Variants in PLXDC2 observed in about 807,000 individuals in gnomAD.
PLXDC2 encodes the protein plexin domain-containing protein 2.
In PLXDC2, 40 loss-of-function variants were observed where a neutral mutation model predicts 68.9. The ratio of observed to expected loss-of-function variants is 0.58; its 90% CI spans 0.45 to 0.76. PLXDC2 has a LOEUF of 0.76. Ranked by LOEUF, PLXDC2 falls within the 30% of genes least tolerant of loss-of-function variation. PLXDC2 has a pLI of 0.00. For missense variants in PLXDC2, 644 were observed against 661.9 expected, an observed-to-expected ratio of 0.97 and a Z score of 0.30; for synonymous variants, 243 against 234.2, an observed-to-expected ratio of 1.04 and a Z score of -0.34.
intron 1 of PLXDC2, among the ~76,000 whole-genome samples, chr10:19,844,658 T>C (rs1027181273): frequency 6.6e-6 from 1 of 152,016 alleles, no homozygotes; most frequent in African/African-American, 2.4e-5. Flanking sequence ...TGCAGTGGTG[T>C]GACCATGTCT....
chr10:20,060,549 C>A (rs919113877), intron 3 of PLXDC2, among the ~76,000 whole-genome samples: 1 of 150,944 alleles, frequency 6.6e-6, no homozygotes, highest in Admixed American at 6.6e-5. Flanking sequence ...GAGCAGGGGC[C>A]CCCTGTTGTG....
At chr10:20,063,696 C>T (rs1415398260) in intron 3 of PLXDC2, among the ~76,000 whole-genome samples, 1 of 152,124 alleles carries the variant, frequency 6.6e-6, no homozygotes, top group Non-Finnish European at 1.5e-5. Context: ...ACTCAGAAAT[C>T]TAGGAGTATG....
chr10:20,217,311 T>C, intron 10 of PLXDC2, 115 bp from the exon 11 acceptor site: 5 of 881,780 alleles, frequency 5.7e-6, no homozygotes, highest in Middle Eastern at 2.7e-4. Context: ...AAGTAATTTA[T>C]TCCTTGTCTT....
intron 13 of PLXDC2, among the ~76,000 whole-genome samples, chr10:20,260,685 G>C (rs961042861): frequency 2.0e-5 from 3 of 152,150 alleles, no homozygotes; most frequent in African/African-American, 7.2e-5. Flanking sequence ...ATGTGGTGTT[G>C]ACTTCATTTT....
chr10:19,968,603 G>A (rs1336137853), intron 1 of PLXDC2, among the ~76,000 whole-genome samples: 3 of 152,218 alleles, frequency 2.0e-5, no homozygotes, highest in Admixed American at 6.5e-5. Flanking sequence ...ATGAGCCACC[G>A]CACCCGGCCC....
Position 20,012,303 on chromosome 10 carries a change from C to CTTTTTTTTTTTTT in PLXDC2, c.324+10323_324+10324insTTTTTTTTTTTTT, listed in dbSNP as rs1156230437. The stretch of plus-strand genomic sequence containing the variant: ...GATAAGAGTCTCTCTCTCTCTCTCT[C>CTTTTTTTTTTTTT]TTTTTTATTTTTTTTTTTTTTTTTT... On this transcript the variant is annotated intron_variant, in intron 2 of 13. Coordinates refer to ENST00000377252, the MANE Select transcript of PLXDC2 (RefSeq NM_032812.9). 1.5e-4 allele frequency among the ~76,000 whole-genome samples: 10 copies of CTTTTTTTTTTTTT among 65,592 alleles called. 3 individuals are homozygous for CTTTTTTTTTTTTT. The highest frequency in any genetic ancestry group is 2.5e-4 in the Admixed American group (1 of 3,938). 43.0% of individuals were successfully genotyped at this position (65,592 alleles called of 152,430 possible). A position where few individuals can be genotyped will look rare whatever the true frequency, so the allele number is the denominator to read the frequency against.
intron 4 of PLXDC2, among the ~76,000 whole-genome samples, chr10:20,106,137 T>C (rs1039383863): frequency 3.3e-5 from 5 of 152,238 alleles, no homozygotes; most frequent in Non-Finnish European, 7.3e-5. Flanking sequence ...TTCATTTCCA[T>C]GGCAGGAGGA....
chr10:19,838,905 G>T (rs367969041), intron 1 of PLXDC2, among the ~76,000 whole-genome samples: 2 of 152,120 alleles, frequency 1.3e-5, no homozygotes, highest in East Asian at 3.8e-4. Flanking sequence ...CTGCTCTGGG[G>T]CCAGGTGTGG....
intron 1 of PLXDC2, among the ~76,000 whole-genome samples, chr10:19,846,022 G>T (rs1167221678): frequency 6.6e-6 from 1 of 152,104 alleles, no homozygotes; most frequent in African/African-American, 2.4e-5. Context: ...ATCTATGGAG[G>T]CTATTTATTT....
At chr10:19,818,945 G>T (rs1000168409) in intron 1 of PLXDC2, among the ~76,000 whole-genome samples, 3 of 147,576 alleles carry the variant, frequency 2.0e-5, no homozygotes, top group Non-Finnish European at 4.5e-5. Flanking sequence ...TGCATTTGCA[G>T]TAAAGGAAAA....
At chr10:20,227,980 G>A (rs573538764) in intron 12 of PLXDC2, among the ~76,000 whole-genome samples, 51 of 152,250 alleles carry the variant, frequency 3.3e-4, no homozygotes, top group Middle Eastern at 3.4e-3. Context: ...TGTGATTTAC[G>A]TCATAGGAAA....
chr10:20,172,721 T>G (rs530732729), intron 7 of PLXDC2, among the ~76,000 whole-genome samples: 1 of 152,058 alleles, frequency 6.6e-6, no homozygotes, highest in Admixed American at 6.6e-5. Flanking sequence ...AAAAATAAAT[T>G]TGAAGGTTGT....
chr10:20,077,023 T>C (rs1836463639), intron 4 of PLXDC2, among the ~76,000 whole-genome samples: 1 of 152,156 alleles, frequency 6.6e-6, no homozygotes, highest in Non-Finnish European at 1.5e-5. Flanking sequence ...ACATATATAT[T>C]ATTATACCCA....
At chr10:20,199,538 T>C (rs1834889171) in intron 9 of PLXDC2, among the ~76,000 whole-genome samples, 1 of 151,964 alleles carries the variant, frequency 6.6e-6, no homozygotes, top group Non-Finnish European at 1.5e-5. Context: ...ATTTAAGAAA[T>C]GCAATGATTT....
intron 1 of PLXDC2, among the ~76,000 whole-genome samples, chr10:19,856,400 A>T (rs1359807108): frequency 6.6e-6 from 1 of 151,730 alleles, no homozygotes. Flanking sequence ...ACACACACAC[A>T]CACACACACA....
At chr10:20,056,482 C>A (rs1170246187) in intron 3 of PLXDC2, among the ~76,000 whole-genome samples, 2 of 152,160 alleles carry the variant, frequency 1.3e-5, no homozygotes, top group Non-Finnish European at 2.9e-5. Flanking sequence ...CTGAAGTTAA[C>A]CAACTCCTTT....
chr10:20,259,937 A>G (rs1051158958), intron 13 of PLXDC2, among the ~76,000 whole-genome samples: 5 of 152,226 alleles, frequency 3.3e-5, no homozygotes, highest in African/African-American at 1.2e-4. Context: ...TAAATAAAAA[A>G]AGGAAGAAGA....
At chr10:19,997,484 A>G (rs1290123731) in intron 1 of PLXDC2, among the ~76,000 whole-genome samples, 1 of 152,220 alleles carries the variant, frequency 6.6e-6, no homozygotes, top group South Asian at 2.1e-4. Context: ...ATTACATAAG[A>G]TGCATGTCAA....
chr10:20,213,234 T>C (rs1223464592), intron 10 of PLXDC2, among the ~76,000 whole-genome samples: 2 of 152,108 alleles, frequency 1.3e-5, no homozygotes, highest in African/African-American at 4.8e-5. Flanking sequence ...TTTTTATGTA[T>C]TATATAAGGT....
Sources: allele counts gnomAD v4.1 joint callset (sites outside exome capture counted in the v4.1 genomes callset), GRCh38; gene constraint gnomAD v4.1.1; transcripts MANE v1.5; gene names NCBI Gene and HGNC (gene_info 2026-07-23, HGNC 2026-07-21).